Variants in MCM7 observed in about 807,000 individuals in gnomAD.
MCM7 encodes minichromosome maintenance complex component 7, also known as DNA replication licensing factor MCM7.
A neutral mutation model predicts 83.5 loss-of-function variants in MCM7; 95 were observed. That is an observed-to-expected ratio of 1.14 (90% CI 0.96 to 1.35). The LOEUF is 1.35. Among genes scored for constraint, MCM7 ranks in the 40% most tolerant of loss-of-function variants. The pLI is 0.00. For missense variants in MCM7, 1,087 were observed against 957.4 expected, an observed-to-expected ratio of 1.14 and a Z score of -1.79; for synonymous variants, 461 against 352.7, an observed-to-expected ratio of 1.31 and a Z score of -3.44.
Position 100,096,040 on chromosome 7 carries a change from G to A in MCM7, c.1329C>T (p.Cys443=). 1 of 1,614,002 alleles carries A rather than the reference G, an allele frequency of 6.2e-7. No individual in the cohort carries two copies. Among genetic ancestry groups the A allele is most frequent in the African/African-American group, 1.3e-5 (1 of 74,978 alleles). ...ALVLADQGVC[C]IDEFDKMAEA... is the part of the protein sequence containing the mutation. ...CAGCCATCTTGTCGAACTCATCAAT[G>A]CAGCACACACCCTGGTCAGCCAGCA... Residue 443 remains cysteine (C), a synonymous_variant, in exon 11 of 15, where the codon TGC becomes TGT. Transcript: ENST00000303887.
Position 100,097,954 on chromosome 7 carries a change from GCAGGA to G in MCM7, c.871-11_871-7del. The G allele has an allele frequency of 6.2e-7, 1 of 1,612,582 alleles. No homozygotes were observed. The highest frequency in any genetic ancestry group is 8.5e-7 in the Non-Finnish European group (1 of 1,178,636). On this transcript the variant is annotated splice_polypyrimidine_tract_variant and splice_region_variant and intron_variant, in intron 7 of 14. Coordinates refer to ENST00000303887, the MANE Select transcript of MCM7 (RefSeq NM_005916.5). ...TAGGTTTCTGAGAGTAAACCCTTGGGCAGGAAAATGCCAGGATACAGATGTAATCC... is the reference window on the plus strand; with the variant it reads ...TAGGTTTCTGAGAGTAAACCCTTGGGAAATGCCAGGATACAGATGTAATCC...
At chr7:100,093,434 G>T in intron 13 of MCM7, 33 bp from the exon 14 acceptor site, 1 of 1,592,772 alleles carries the variant, frequency 6.3e-7, no homozygotes, top group Non-Finnish European at 8.6e-7. Flanking sequence ...AGATGGGAAC[G>T]GGAGGAGGGC....
At chr7:100,099,809 T>G (rs1181772713) in intron 2 of MCM7, 56 bp from the exon 3 acceptor site, 1 of 1,596,494 alleles carries the variant, frequency 6.3e-7, no homozygotes, top group Non-Finnish European at 8.5e-7. Flanking sequence ...TGCTCACCAG[T>G]GTTCATATGT....
Position 100,092,879 on chromosome 7 carries a change from A to AG in MCM7, c.*52dup, listed in dbSNP as rs1795386283. 9 of 1,601,092 alleles carry AG rather than the reference A, an allele frequency of 5.6e-6. 1 individual carries two copies. The highest frequency in any genetic ancestry group is 6.8e-6 in the Non-Finnish European group (8 of 1,168,640). On this transcript the variant is annotated 3_prime_UTR_variant, in exon 15 of 15. Transcript: ENST00000303887. The stretch of plus-strand genomic sequence containing the variant: ...TCAAAGGCATCACTGCCCCTTCCCA[A>AG]GGGGCAGGCCAGCAGGGAACAAGAG...
Position 100,101,250 on chromosome 7 carries a change from T to C in MCM7, c.31+14A>G. 1 of 1,613,056 alleles carries C rather than the reference T, an allele frequency of 6.2e-7. No homozygotes were observed. On this transcript the variant is annotated intron_variant, in intron 1 of 14. Transcript: ENST00000303887. ...CCCCGCGCAGGACGCCCTCCCGGGC[T>C]CGTAGACCCGTACCCTTCTCTAGCG...
intron 1 of MCM7, chr7:100,100,392 G>T: frequency 9.3e-7 from 1 of 1,070,920 alleles, no homozygotes; most frequent in East Asian, 8.3e-5. Flanking sequence ...CCGGTCTCAA[G>T]GTTCTCAGCT....
At chr7:100,097,582 C>G (rs771066556) in intron 9 of MCM7, 32 bp downstream of exon 9, 1 of 1,612,630 alleles carries the variant, frequency 6.2e-7, no homozygotes, top group Non-Finnish European at 8.5e-7. Flanking sequence ...ATGACTTCAT[C>G]CACCCTGAGC....
intron 13 of MCM7, 164 bp from the exon 14 acceptor site, chr7:100,093,565 G>A (rs770632691): frequency 1.1e-5 from 9 of 793,934 alleles, no homozygotes; most frequent in South Asian, 1.1e-4. Flanking sequence ...TGTTGGGCCG[G>A]CACTGTCAGA....
Position 100,092,952 on chromosome 7 carries a change from T to C in MCM7, c.2140A>G (p.Thr714Ala). 1 of 1,614,114 alleles carries C rather than the reference T, an allele frequency of 6.2e-7. No homozygotes were observed. Among genetic ancestry groups the C allele is most frequent in the Non-Finnish European group, 8.5e-7 (1 of 1,180,012 alleles). ...TGGAATCAGACAAAAGTGATCCGTG[T>C]CCGGGAAGCATTGACCTGCCAGACA... The part of the protein sequence containing the change: ...LNVWQVNASR[T>A]RITFV Residue 714 changes from threonine (T) to alanine (A), a missense_variant, in exon 15 of 15, where the codon ACA (threonine) becomes GCA (alanine). Coordinates refer to ENST00000303887, the MANE Select transcript of MCM7 (RefSeq NM_005916.5).
intron 5 of MCM7, 108 bp downstream of exon 5, chr7:100,098,915 A>G: frequency 2.0e-6 from 3 of 1,485,256 alleles, no homozygotes; most frequent in Non-Finnish European, 2.7e-6. Flanking sequence ...AGGCGAACAC[A>G]CAGGCAACTT....
In MCM7 at chr7:100,094,352, A is replaced by G. The variant is rs748720750; in HGVS notation, c.1680-11T>C. 1.2e-6 allele frequency: 2 copies of G among 1,613,798 alleles called. No individual in the cohort carries two copies. Among genetic ancestry groups the G allele is most frequent in the Non-Finnish European group, 1.7e-6 (2 of 1,179,952 alleles). ...ATGGCTATGTAACGCCTGTGGGGGA[A>G]GGTTCATGGGGAAGCAGAAGAGGGA... On this transcript the variant is annotated splice_polypyrimidine_tract_variant and intron_variant, in intron 12 of 14. Coordinates refer to ENST00000303887, the MANE Select transcript of MCM7 (RefSeq NM_005916.5).
chr7:100,097,269 A>G, intron 10 of MCM7, 32 bp downstream of exon 10: 2 of 1,589,658 alleles, frequency 1.3e-6, no homozygotes, highest in Admixed American at 1.7e-5. Flanking sequence ...GTCTGTCACT[A>G]TATTCACCTC....
Position 100,099,095 on chromosome 7 carries a change from G to A in MCM7, c.510C>T (p.Val170=). 6.2e-7 allele frequency: 1 copy of A among 1,614,168 alleles called. No individual in the cohort carries two copies. Among genetic ancestry groups the A allele is most frequent in the Non-Finnish European group, 8.5e-7 (1 of 1,180,038 alleles). Residue 170 remains valine (V), a synonymous_variant, in exon 5 of 15, where the codon GTC becomes GTT. Coordinates refer to ENST00000303887, the MANE Select transcript of MCM7 (RefSeq NM_005916.5). Reference sequence around the variant, plus strand: ...CCACCATCTTGGGTTTGACTTCAGAGACACGAGTGACGATTCCACGCACAG... The same window carrying A: ...CCACCATCTTGGGTTTGACTTCAGAAACACGAGTGACGATTCCACGCACAG... ...LVTVRGIVTR[V]SEVKPKMVVA...
chr7:100,094,129 T>A, intron 13 of MCM7, 44 bp downstream of exon 13: 2 of 1,613,144 alleles, frequency 1.2e-6, no homozygotes, highest in Admixed American at 3.3e-5. Context: ...AGCTACCCCT[T>A]TAAGGGTCAA....
chr7:100,100,655 G>A, intron 1 of MCM7: 1 of 990,004 alleles, frequency 1.0e-6, no homozygotes, highest in Non-Finnish European at 1.2e-6. Flanking sequence ...GCCCACTGCC[G>A]CCTTTCCCGG....
At chr7:100,100,139 A>C in intron 1 of MCM7, 46 bp from the exon 2 acceptor site, 1 of 1,604,126 alleles carries the variant, frequency 6.2e-7, no homozygotes, top group Non-Finnish European at 8.5e-7. Flanking sequence ...TTTAAGACAA[A>C]TCTTAGATAC....
chr7:100,098,037 G>C, intron 7 of MCM7, 89 bp from the exon 8 acceptor site: 1 of 1,573,408 alleles, frequency 6.4e-7, no homozygotes, highest in East Asian at 2.2e-5. Context: ...AAATCCCTGG[G>C]TTCTGTTTTG....
At position 100,098,531 on chromosome 7, in the gene MCM7, A is replaced by G. The variant is rs1159415741; in HGVS notation, c.720+47T>C. 4 of 1,609,810 alleles carry G rather than the reference A, an allele frequency of 2.5e-6. No individual in the cohort carries two copies. The Admixed American group carries it at 6.7e-5, about 27-fold the overall frequency. On this transcript the variant is annotated intron_variant, in intron 6 of 14. Coordinates refer to ENST00000303887, the MANE Select transcript of MCM7 (RefSeq NM_005916.5). Reference sequence around the variant, plus strand: ...ATTCCACAAGTGACTACAGGATTCAAGTGGACTCCCGATCCACCTGCCCAG... The same window carrying G: ...ATTCCACAAGTGACTACAGGATTCAGGTGGACTCCCGATCCACCTGCCCAG...
At position 100,099,768 on chromosome 7, in the gene MCM7, A is replaced by G. The variant is rs766239930; in HGVS notation, c.112-15T>C. Reference sequence around the variant, plus strand: ...GCCAGCCGAACCTCAAGTGGGGAAGAGACAGAAACACCTCAGAGCCACATT... The same window carrying G: ...GCCAGCCGAACCTCAAGTGGGGAAGGGACAGAAACACCTCAGAGCCACATT... On this transcript the variant is annotated splice_polypyrimidine_tract_variant and intron_variant, in intron 2 of 14. Coordinates refer to ENST00000303887, the MANE Select transcript of MCM7 (RefSeq NM_005916.5). 1.2e-6 allele frequency: 2 copies of G among 1,613,130 alleles called. No individual in the cohort carries two copies. Among genetic ancestry groups the G allele is most frequent in the Non-Finnish European group, 1.7e-6 (2 of 1,179,720 alleles).
Sources: allele counts gnomAD v4.1 joint callset, GRCh38; gene constraint gnomAD v4.1.1; transcripts MANE v1.5; gene names NCBI Gene and HGNC (gene_info 2026-07-23, HGNC 2026-07-21).